Variants in MFSD6 observed in about 807,000 individuals in gnomAD.
MFSD6 encodes major facilitator superfamily domain containing 6.
In MFSD6, 26 loss-of-function variants were observed where a neutral mutation model predicts 56.3. The ratio of observed to expected loss-of-function variants is 0.46; its 90% CI spans 0.34 to 0.64. The LOEUF is 0.64. MFSD6 is among the 30% of genes least tolerant of loss of function. The pLI, the probability that MFSD6 is intolerant of heterozygous loss-of-function variation, is 0.01. For synonymous variants in MFSD6, 331 were observed against 366.9 expected (o/e 0.90, Z 1.12); for missense variants, 750 against 986.2 (o/e 0.76, Z 3.21).
intron 6 of MFSD6, among the ~76,000 whole-genome samples, chr2:190,493,526 A>T (rs1388124710): frequency 6.6e-6 from 1 of 152,206 alleles, no homozygotes; most frequent in African/African-American, 2.4e-5. Flanking sequence ...CCTGGAACAA[A>T]TGAACTTAAC....
intron 4 of MFSD6, among the ~76,000 whole-genome samples, chr2:190,475,973 A>G (rs1688282530): frequency 6.6e-6 from 1 of 152,244 alleles, no homozygotes; most frequent in Non-Finnish European, 1.5e-5. Flanking sequence ...AGGATTCCCT[A>G]TTTAATAAAT....
intron 2 of MFSD6, among the ~76,000 whole-genome samples, chr2:190,420,905 A>G (rs1685586828): frequency 6.6e-6 from 1 of 152,196 alleles, no homozygotes; most frequent in Admixed American, 6.5e-5. Flanking sequence ...GTTACTGTCT[A>G]TGACATTTAT....
intron 4 of MFSD6, among the ~76,000 whole-genome samples, chr2:190,470,903 G>GTATATA (rs148619709): frequency 2.0e-5 from 3 of 150,982 alleles, no homozygotes; most frequent in Admixed American, 6.6e-5. Context: ...TAAAATTCAA[G>GTATATA]TATATATATA....
chr2:190,470,268 G>A (rs1017870364), intron 4 of MFSD6, among the ~76,000 whole-genome samples: 2 of 152,092 alleles, frequency 1.3e-5, no homozygotes, highest in Non-Finnish European at 2.9e-5. Context: ...TATCTCTTCA[G>A]TTATTTTTAT....
Position 190,502,283 on chromosome 2 carries a change from C to T in MFSD6, c.*2065C>T, listed in dbSNP as rs1410279878. The T allele has an allele frequency of 6.6e-6, 1 of 152,144 alleles. No individual in the cohort carries two copies. The highest frequency in any genetic ancestry group is 1.5e-5 in the Non-Finnish European group (1 of 68,034). The allele number at this position is 152,144 out of a possible 1,614,324, so 9.4% of individuals were successfully genotyped here. A position where few individuals can be genotyped will look rare whatever the true frequency, so the allele number is the denominator to read the frequency against. ...CTGTCCCCAAAGTGCCATATGCTAC[C>T]TTAAAAAATATTAAAGTGAATTCAA... On this transcript the variant is annotated 3_prime_UTR_variant, in exon 8 of 8. Transcript: ENST00000392328. This position sits in a 1 kb window ranked among gnomAD's most constrained non-coding sequence, Gnocchi z 4.4.
Position 190,461,080 on chromosome 2 carries a change from C to T in MFSD6, c.1533-8678C>T, listed in dbSNP as rs1687304279. Among the ~76,000 whole-genome samples the T allele has an allele frequency of 6.6e-6, 1 of 152,182 alleles. No individual in the cohort carries two copies. The highest frequency in any genetic ancestry group is 1.5e-5 in the Non-Finnish European group (1 of 68,044). On this transcript the variant is annotated intron_variant, in intron 3 of 7. Transcript: ENST00000392328. This position sits in a 1 kb window ranked among gnomAD's most constrained non-coding sequence, Gnocchi z 5.5. Reference sequence around the variant, plus strand: ...TTTGGACAACTAGATGGTTTACCCACACCCAATCTCCCAAGAGTTTCAAAA... The same window carrying T: ...TTTGGACAACTAGATGGTTTACCCATACCCAATCTCCCAAGAGTTTCAAAA...
chr2:190,414,952 G>C (rs1232574624), intron 1 of MFSD6, among the ~76,000 whole-genome samples: 3 of 152,094 alleles, frequency 2.0e-5, no homozygotes, highest in Non-Finnish European at 4.4e-5. Flanking sequence ...CATTTAACAT[G>C]ATGCATTTTA....
chr2:190,464,260 A>T (rs1263638796), intron 3 of MFSD6, among the ~76,000 whole-genome samples: 1 of 152,144 alleles, frequency 6.6e-6, no homozygotes, highest in Non-Finnish European at 1.5e-5. Context: ...TTTCATTTGT[A>T]TCCAGTGTAT....
At position 190,471,469 on chromosome 2, in the gene MFSD6, A is replaced by G. The variant is rs548847017; in HGVS notation, c.1630+1614A>G. ...TCCCGCACCTGGCTTGGAGGGTCCTACGCCCACGGAGCCTCCCTCATTGCT... is the reference window on the plus strand; with the variant it reads ...TCCCGCACCTGGCTTGGAGGGTCCTGCGCCCACGGAGCCTCCCTCATTGCT... On this transcript the variant is annotated intron_variant, in intron 4 of 7. Coordinates refer to ENST00000392328, the MANE Select transcript of MFSD6 (RefSeq NM_017694.4). The surrounding 1 kb of genome is among the most constrained non-coding windows in gnomAD (Gnocchi z 4.7). Among the ~76,000 whole-genome samples the G allele has an allele frequency of 2.0e-5, 3 of 152,292 alleles. No homozygotes were observed. The highest frequency in any genetic ancestry group is 4.4e-5 in the Non-Finnish European group (3 of 68,022).
intron 4 of MFSD6, among the ~76,000 whole-genome samples, chr2:190,477,660 T>C (rs2125184825): frequency 6.6e-6 from 1 of 152,328 alleles, no homozygotes; most frequent in Non-Finnish European, 1.5e-5. Context: ...GAGAATGTAA[T>C]AAAATATATA....
intron 4 of MFSD6, among the ~76,000 whole-genome samples, chr2:190,480,246 T>C (rs977633332): frequency 6.6e-6 from 1 of 152,214 alleles, no homozygotes; most frequent in African/African-American, 2.4e-5. Flanking sequence ...TTTTATTGTC[T>C]AACTTAGTTT....
Position 190,412,770 on chromosome 2 carries a change from G to A in MFSD6, c.-175-2522G>A, listed in dbSNP as rs550389500. ...TGTTTTCCTAAATTCTGAATGATAC[G>A]TTATCCAGTACTTAGCCCCACTGCT... On this transcript the variant is annotated intron_variant, in intron 1 of 7. Coordinates refer to ENST00000392328, the MANE Select transcript of MFSD6 (RefSeq NM_017694.4). This position sits in a 1 kb window ranked among gnomAD's most constrained non-coding sequence, Gnocchi z 4.1. 8 of 253,968 alleles carry A rather than the reference G, an allele frequency of 3.1e-5. No individual in the cohort carries two copies. In the South Asian group the frequency reaches 5.9e-4, roughly 19 times the overall value. The allele number at this position is 253,968 out of a possible 1,614,324, so 15.7% of individuals were successfully genotyped here.
chr2:190,471,361 T>G lies in MFSD6; in HGVS notation c.1630+1506T>G, dbSNP rs562470225. ...CCTAGCCGAGGAAAGGGGTGAGAGA[T>G]GGCACCTGGAAAATTGGGTCACTCC... On this transcript the variant is annotated intron_variant, in intron 4 of 7. Transcript: ENST00000392328. This position sits in a 1 kb window ranked among gnomAD's most constrained non-coding sequence, Gnocchi z 4.7. 6.6e-6 allele frequency among the ~76,000 whole-genome samples: 1 copy of G among 152,160 alleles called. No individual in the cohort carries two copies. Among genetic ancestry groups the G allele is most frequent in the Non-Finnish European group, 1.5e-5 (1 of 68,012 alleles).
Position 190,423,127 on chromosome 2 carries a change from A to G in MFSD6, c.-54+7714A>G, listed in dbSNP as rs1041724819. ...GTTAGAAATAATAGAGCAATGTCCC[A>G]TGTATCCTGTACCCCCTGACTTTTC... On this transcript the variant is annotated intron_variant, in intron 2 of 7. Transcript: ENST00000392328. This position sits in a 1 kb window ranked among gnomAD's most constrained non-coding sequence, Gnocchi z 4.3. Among the ~76,000 whole-genome samples the G allele has an allele frequency of 2.0e-5, 3 of 152,218 alleles. No individual in the cohort carries two copies. The highest frequency in any genetic ancestry group is 7.2e-5 in the African/African-American group (3 of 41,454).
At chr2:190,472,492 G>A (rs1325163840) in intron 4 of MFSD6, among the ~76,000 whole-genome samples, 2 of 152,108 alleles carry the variant, frequency 1.3e-5, no homozygotes, top group African/African-American at 4.8e-5. Flanking sequence ...TATCAGTGAT[G>A]GAAGATCAAA....
chr2:190,455,964 T>A (rs1687017186), intron 3 of MFSD6, among the ~76,000 whole-genome samples: 1 of 98,872 alleles, frequency 1.0e-5, no homozygotes, highest in Admixed American at 1.5e-4. Flanking sequence ...TTTTTGAGAC[T>A]GAGTCTCATT....
At position 190,499,734 on chromosome 2, in the gene MFSD6, T is replaced by C. The variant is rs1574275873; in HGVS notation, c.2173-281T>C. 11 of 1,269,804 alleles carry C rather than the reference T, an allele frequency of 8.7e-6. No homozygotes were observed. Among genetic ancestry groups the C allele is most frequent in the Non-Finnish European group, 1.2e-5 (11 of 944,358 alleles). The allele number at this position is 1,269,804 out of a possible 1,614,324, so 78.7% of individuals were successfully genotyped here. ...TCAGTAAATATTTGCTGATGTAAAC[T>C]GTTTACCAAGTACTAACAGACATTT... On this transcript the variant is annotated intron_variant, in intron 7 of 7. Transcript: ENST00000392328. This position sits in a 1 kb window ranked among gnomAD's most constrained non-coding sequence, Gnocchi z 6.0.
chr2:190,452,201 G>T (rs949734865), intron 3 of MFSD6, among the ~76,000 whole-genome samples: 1 of 151,998 alleles, frequency 6.6e-6, no homozygotes, highest in Non-Finnish European at 1.5e-5. Flanking sequence ...GTTGCAGTGA[G>T]CCGAGATTGC....
At chr2:190,435,548 CAG>C (rs1203120551) in intron 2 of MFSD6, among the ~76,000 whole-genome samples, 1 of 152,322 alleles carries the variant, frequency 6.6e-6, no homozygotes, top group Non-Finnish European at 1.5e-5. Flanking sequence ...TCCTTAGAAA[CAG>C]AATGGTTTTG....
Sources: gnomAD v4.1 joint callset for allele counts (sites outside exome capture counted in the v4.1 genomes callset) on GRCh38, gnomAD v4.1.1 for gene constraint, Gnocchi (gnomAD v3.1) non-coding constraint, MANE v1.5 for transcripts, NCBI Gene and HGNC (gene_info 2026-07-23, HGNC 2026-07-21) for gene names.